The following PHACTR2 variants were observed in gnomAD, a reference collection of about 807,000 sequenced individuals.
PHACTR2 encodes phosphatase and actin regulator 2.
Under a neutral mutation model 76.0 loss-of-function variants are expected in PHACTR2, and 30 were observed. The observed-to-expected ratio is 0.39, with a 90% CI of 0.30 to 0.54. The LOEUF (loss-of-function observed/expected upper bound fraction) is 0.54. Among genes scored for constraint, PHACTR2 ranks in the 20% least tolerant of loss-of-function variants. The pLI is 0.61. For synonymous variants in PHACTR2, 292 were observed against 292.5 expected (o/e 1.00, Z 0.02); for missense variants, 696 against 781.1 (o/e 0.89, Z 1.30).
At chr6:143,579,696 C>G (rs1031298667) in intron 1 of PHACTR2, among the ~76,000 whole-genome samples, 1 of 152,052 alleles carries the variant, frequency 6.6e-6, no homozygotes, top group Admixed American at 6.5e-5. Flanking sequence ...AGACCCTTTT[C>G]CACTGCACCG....
rs542444857 is a variant in PHACTR2 at position 143,691,265 on chromosome 6, C to T, written c.46+13056C>T. ...AATAGTAAGTCAAACCATGGTAAGT[C>T]AGGGACCTTCTGTATTTAAATTAAA... is the stretch of plus-strand genomic sequence containing the variant. On this transcript the variant is annotated intron_variant, in intron 1 of 12. Transcript: ENST00000440869. Among the ~76,000 whole-genome samples, 11 of 150,216 alleles carry T rather than the reference C, an allele frequency of 7.3e-5. No homozygotes were observed. The East Asian group carries it at 1.8e-3, about 24-fold the overall frequency.
Position 143,585,422 on chromosome 6 carries a change from G to A in PHACTR2, c.217+48215G>A, listed in dbSNP as rs1163333239. Among the ~76,000 whole-genome samples the A allele has an allele frequency of 6.6e-6, 1 of 152,196 alleles. No homozygotes were observed. The highest frequency in any genetic ancestry group is 1.9e-4 in the East Asian group (1 of 5,198). The stretch of plus-strand genomic sequence containing the variant: ...GTTAAAATAGAAGCTGAGATTCCAG[G>A]CAGCACAAGAACAACACATTGGAAC... On this transcript the variant is annotated intron_variant, in intron 1 of 11. Coordinates refer to the PHACTR2 transcript ENST00000367584. This position sits in a 1 kb window ranked among gnomAD's most constrained non-coding sequence, Gnocchi z 5.2.
At position 143,783,122 on chromosome 6, in the gene PHACTR2, ATTTG is replaced by A; in HGVS notation, c.1646-94_1646-91del. Reference sequence around the variant, plus strand: ...AATGTTGGTTGTGTGTTTGATCATTATTTGTTAGAGTCACATGATCGTGGCCTGA... The same window carrying A: ...AATGTTGGTTGTGTGTTTGATCATTATTAGAGTCACATGATCGTGGCCTGA... On this transcript the variant is annotated intron_variant, in intron 9 of 12. Coordinates refer to ENST00000440869, the MANE Select transcript of PHACTR2 (RefSeq NM_001100164.2). The surrounding 1 kb of genome is among the most constrained non-coding windows in gnomAD (Gnocchi z 5.2). 1 of 696,020 alleles carries A rather than the reference ATTTG, an allele frequency of 1.4e-6. No individual in the cohort carries two copies. The highest frequency in any genetic ancestry group is 2.5e-6 in the Non-Finnish European group (1 of 393,610). The allele number at this position is 696,020 out of a possible 1,614,324, so 43.1% of individuals were successfully genotyped here.
chr6:143,615,437 T>C (rs572450996), intron 1 of PHACTR2, among the ~76,000 whole-genome samples: 1 of 152,320 alleles, frequency 6.6e-6, no homozygotes, highest in African/African-American at 2.4e-5. Flanking sequence ...GCAAATTAAT[T>C]TGTAAATATC....
intron 2 of PHACTR2, among the ~76,000 whole-genome samples, chr6:143,717,404 C>T (rs1040910699): frequency 6.6e-5 from 10 of 152,194 alleles, no homozygotes; most frequent in South Asian, 2.1e-4. Context: ...TAATTTACTA[C>T]GTAAAGTATT....
chr6:143,545,104 T>C (rs1774961120), intron 1 of PHACTR2, among the ~76,000 whole-genome samples: 1 of 152,120 alleles, frequency 6.6e-6, no homozygotes, highest in African/African-American at 2.4e-5. Flanking sequence ...CCATCATGCC[T>C]GGCTAATTGT....
intron 1 of PHACTR2, among the ~76,000 whole-genome samples, chr6:143,559,672 A>G (rs1775233008): frequency 6.8e-6 from 1 of 146,956 alleles, no homozygotes; most frequent in South Asian, 2.2e-4. Context: ...CAATAAAAAT[A>G]CCAGTGATTT....
chr6:143,794,160 A>G lies in PHACTR2; in HGVS notation c.1845+5250A>G, dbSNP rs562496465. On this transcript the variant is annotated intron_variant, in intron 11 of 12. Transcript: ENST00000440869. The surrounding 1 kb of genome is among the most constrained non-coding windows in gnomAD (Gnocchi z 4.1). ...AAAAAATTGTTCCCTCTAGTTGTTA[A>G]AAGATAAGTGTGATGAAATAGTACA... 2.6e-5 allele frequency among the ~76,000 whole-genome samples: 4 copies of G among 151,992 alleles called. No homozygotes were observed. The East Asian group carries it at 7.7e-4, about 29-fold the overall frequency.
At position 143,581,172 on chromosome 6, in the gene PHACTR2, G is replaced by C. The variant is rs1775567834; in HGVS notation, c.217+43965G>C. Among the ~76,000 whole-genome samples, 1 of 152,240 alleles carries C rather than the reference G, an allele frequency of 6.6e-6. No homozygotes were observed. The highest frequency in any genetic ancestry group is 2.4e-5 in the African/African-American group (1 of 41,472). ...CCTCAGGGCTTGGCTCAATATTCTA[G>C]AACTTTACCCTTGTTCTCAAGTCTC... On this transcript the variant is annotated intron_variant, in intron 1 of 11. Transcript: ENST00000367584. The surrounding 1 kb of genome is among the most constrained non-coding windows in gnomAD (Gnocchi z 4.5).
At position 143,794,518 on chromosome 6, in the gene PHACTR2, G is replaced by A. The variant is rs1003634582; in HGVS notation, c.1845+5608G>A. ...TTTAAAAAATAAACAATGAGGCCAGGTGCAGTGGCTCATGCCTGTAATCCA... is the reference window on the plus strand; with the variant it reads ...TTTAAAAAATAAACAATGAGGCCAGATGCAGTGGCTCATGCCTGTAATCCA... On this transcript the variant is annotated intron_variant, in intron 11 of 12. Coordinates refer to ENST00000440869, the MANE Select transcript of PHACTR2 (RefSeq NM_001100164.2). The surrounding 1 kb of genome is among the most constrained non-coding windows in gnomAD (Gnocchi z 4.1). Among the ~76,000 whole-genome samples, 2 of 152,118 alleles carry A rather than the reference G, an allele frequency of 1.3e-5. No homozygotes were observed. Among genetic ancestry groups the A allele is most frequent in the African/African-American group, 4.8e-5 (2 of 41,412 alleles).
rs748515069 is a variant in PHACTR2, at chr6:143,671,294, C to A, written c.14-40722C>A. Among the ~76,000 whole-genome samples, 1 of 152,048 alleles carries A rather than the reference C, an allele frequency of 6.6e-6. No homozygotes were observed. Among genetic ancestry groups the A allele is most frequent in the East Asian group, 1.9e-4 (1 of 5,186 alleles). On this transcript the variant is annotated intron_variant, in intron 1 of 11. Coordinates refer to the PHACTR2 transcript ENST00000305766. This position sits in a 1 kb window ranked among gnomAD's most constrained non-coding sequence, Gnocchi z 4.6. The stretch of plus-strand genomic sequence containing the variant: ...ATAATCTCCTTCTCCTCATCTTTAC[C>A]TCTCTTATTCTATGTACTCCAACCA...
At chr6:143,682,107 C>T (rs78677416) in intron 1 of PHACTR2, among the ~76,000 whole-genome samples, 4,691 of 152,250 alleles carry the variant, frequency 0.031, 215 homozygotes, top group African/African-American at 0.11. Context: ...TGCAAAAAAG[C>T]CAATTAGAGT....
chr6:143,626,536 C>CAAAAAAAAAAAAAAAAAAAAAAAAAAAAA (rs35107482), intron 1 of PHACTR2, among the ~76,000 whole-genome samples: 8 of 122,296 alleles, frequency 6.5e-5, no homozygotes, highest in African/African-American at 2.0e-4. Flanking sequence ...GACTCCGTCT[C>CAAAAAAAAAAAAAAAAAAAAAAAAAAAAA]AAAAAAAAAA....
At position 143,652,589 on chromosome 6, in the gene PHACTR2, C is replaced by T. The variant is rs1042541334; in HGVS notation, c.13+44267C>T. Among the ~76,000 whole-genome samples, 5 of 152,176 alleles carry T rather than the reference C, an allele frequency of 3.3e-5. No individual in the cohort carries two copies. Among genetic ancestry groups the T allele is most frequent in the African/African-American group, 1.2e-4 (5 of 41,442 alleles). On this transcript the variant is annotated intron_variant, in intron 1 of 11. Transcript: ENST00000305766. This position sits in a 1 kb window ranked among gnomAD's most constrained non-coding sequence, Gnocchi z 4.5. ...GTTTTTGTTTTCCACTATGCTAGGT[C>T]AGTTTTCAGATCTTATTAAAAAGCT... is the stretch of plus-strand genomic sequence containing the variant.
chr6:143,651,523 A>G (rs1776764139), intron 1 of PHACTR2, among the ~76,000 whole-genome samples: 1 of 152,238 alleles, frequency 6.6e-6, no homozygotes, highest in South Asian at 2.1e-4. Flanking sequence ...AAAAGGAATG[A>G]GATAAAGTCC....
rs970274614 is a variant in PHACTR2, at chr6:143,820,432, C to T, written c.1923-3242C>T. Among the ~76,000 whole-genome samples, 2 of 152,024 alleles carry T rather than the reference C, an allele frequency of 1.3e-5. No homozygotes were observed. Among genetic ancestry groups the T allele is most frequent in the South Asian group, 2.1e-4 (1 of 4,814 alleles). Reference sequence around the variant, plus strand: ...GAGATCTATACTGGGTAAACATTCCCGTTCCCAAAGGGAGAAATCAGACAA... The same window carrying T: ...GAGATCTATACTGGGTAAACATTCCTGTTCCCAAAGGGAGAAATCAGACAA... On this transcript the variant is annotated intron_variant, in intron 12 of 12. Transcript: ENST00000440869. This position sits in a 1 kb window ranked among gnomAD's most constrained non-coding sequence, Gnocchi z 4.2.
chr6:143,777,376 C>T lies in PHACTR2; in HGVS notation c.1638C>T (p.Ile546=), dbSNP rs749016205. 25 of 1,581,386 alleles carry T rather than the reference C, an allele frequency of 1.6e-5. No individual in the cohort carries two copies. The South Asian group carries it at 2.8e-4, about 18-fold the overall frequency. The change falls in exon 9 of 13, where the codon ATC becomes ATT. Residue 546 remains isoleucine, a synonymous_variant. Transcript: ENST00000440869. The surrounding 1 kb of genome is among the most constrained non-coding windows in gnomAD (Gnocchi z 4.6). Reference sequence around the variant, plus strand: ...CTGAAGAATTAGAGCAAAGAAACATCCTAAAACGTGAGTATTCTATACTAT... The same window carrying T: ...CTGAAGAATTAGAGCAAAGAAACATTCTAAAACGTGAGTATTCTATACTAT... ...PTTEELEQRN[I]LKQKNEEEEQ...
Position 143,827,172 on chromosome 6 carries a change from A to ATATAT in PHACTR2, c.*3484_*3488dup, listed in dbSNP as rs1562322728. 2 of 112,092 alleles carry ATATAT rather than the reference A, an allele frequency of 1.8e-5. No individual in the cohort carries two copies. Among genetic ancestry groups the ATATAT allele is most frequent in the Non-Finnish European group, 3.6e-5 (2 of 55,658 alleles). The allele number at this position is 112,092 out of a possible 1,614,324, so 6.9% of individuals were successfully genotyped here. A position where few individuals can be genotyped will look rare whatever the true frequency, so the allele number is the denominator to read the frequency against. On this transcript the variant is annotated 3_prime_UTR_variant, in exon 13 of 13. Transcript: ENST00000440869. ...AAAAAGAAAATATATATATATATATATATATATATATATATATATATATAT... is the reference window on the plus strand; with the variant it reads ...AAAAAGAAAATATATATATATATATATATATTATATATATATATATATATATATAT...
rs1266178762 is a variant in PHACTR2, at chr6:143,709,539, A to G, written c.47-2477A>G. On this transcript the variant is annotated intron_variant, in intron 1 of 12. Coordinates refer to ENST00000440869, the MANE Select transcript of PHACTR2 (RefSeq NM_001100164.2). This position sits in a 1 kb window ranked among gnomAD's most constrained non-coding sequence, Gnocchi z 4.4. ...TATGTGACTCTAGATCTTGTTTGAA[A>G]CCTTTGGTTTTAACTGGCTTTGTCT... Among the ~76,000 whole-genome samples, 1 of 151,978 alleles carries G rather than the reference A, an allele frequency of 6.6e-6. No individual in the cohort carries two copies. The highest frequency in any genetic ancestry group is 1.5e-5 in the Non-Finnish European group (1 of 67,992).
Sources: allele counts gnomAD v4.1 joint callset (sites outside exome capture counted in the v4.1 genomes callset), GRCh38; gene constraint gnomAD v4.1.1; non-coding constraint Gnocchi (gnomAD v3.1); transcripts MANE v1.5; gene names NCBI Gene and HGNC (gene_info 2026-07-23, HGNC 2026-07-21).